The following MEIS2 variants were observed in gnomAD, a reference collection of about 807,000 sequenced individuals.
The protein encoded by MEIS2 is homeobox protein Meis2.
A neutral mutation model predicts 58.6 loss-of-function variants in MEIS2; 9 were observed. That is an observed-to-expected ratio of 0.15 (90% CI 0.09 to 0.27). The LOEUF is 0.27. MEIS2 is among the 10% of genes least tolerant of loss of function. MEIS2 has a pLI of 1.00. For missense variants in MEIS2, 427 were observed against 635.0 expected (o/e 0.67, Z 3.52); for synonymous variants, 221 against 228.4 (o/e 0.97, Z 0.29).
chr15:37,006,894 G>A (rs1437349990), intron 8 of MEIS2, among the ~76,000 whole-genome samples: 1 of 152,168 alleles, frequency 6.6e-6, no homozygotes, highest in East Asian at 1.9e-4. Flanking sequence ...TTTTTAGAAG[G>A]AAGGGGTTGG....
intron 8 of MEIS2, among the ~76,000 whole-genome samples, chr15:36,996,856 C>T (rs990626327): frequency 1.3e-5 from 2 of 152,190 alleles, no homozygotes; most frequent in Non-Finnish European, 2.9e-5. Flanking sequence ...ATTTCTTAAC[C>T]AGAAATGGGA....
intron 2 of MEIS2, 103 bp downstream of exon 2, chr15:37,097,864 A>G (rs964446528): frequency 2.1e-6 from 3 of 1,433,172 alleles, no homozygotes; most frequent in African/African-American, 2.9e-5. Context: ...CCCACCATAC[A>G]GAAGTAACTC....
intron 9 of MEIS2, among the ~76,000 whole-genome samples, chr15:36,946,978 G>T (rs1390807497): frequency 6.6e-6 from 1 of 151,986 alleles, no homozygotes; most frequent in East Asian, 1.9e-4. Context: ...GAGGATATTT[G>T]GTTCGTTGCT....
chr15:36,941,864 T>G (rs1427461161), intron 9 of MEIS2, among the ~76,000 whole-genome samples: 1 of 152,184 alleles, frequency 6.6e-6, no homozygotes, highest in Non-Finnish European at 1.5e-5. Flanking sequence ...TGAAGTAGAT[T>G]TGAATCCAGA....
chr15:37,037,591 C>T (rs536512038), intron 7 of MEIS2, among the ~76,000 whole-genome samples: 146 of 151,854 alleles, frequency 9.6e-4, no homozygotes, highest in African/African-American at 3.3e-3. Context: ...TCAGAAGTTT[C>T]TATCAACATC....
intron 7 of MEIS2, among the ~76,000 whole-genome samples, chr15:37,040,548 G>A (rs908826966): frequency 1.3e-5 from 2 of 152,138 alleles, no homozygotes; most frequent in African/African-American, 4.8e-5. Context: ...TACCCACAGG[G>A]CTTTTTTGCA....
chr15:37,005,571 C>G (rs1354330831), intron 8 of MEIS2, among the ~76,000 whole-genome samples: 2 of 149,648 alleles, frequency 1.3e-5, no homozygotes, highest in Non-Finnish European at 3.0e-5. Context: ...CATGATGGAA[C>G]TTTTTTTTTT....
At chr15:36,997,253 T>A (rs1223898615) in intron 8 of MEIS2, among the ~76,000 whole-genome samples, 2 of 152,298 alleles carry the variant, frequency 1.3e-5, no homozygotes, top group African/African-American at 4.8e-5. Context: ...ATGGCTTTTT[T>A]AAAGCAAAAC....
At chr15:36,924,460 C>T (rs948940404) in intron 9 of MEIS2, among the ~76,000 whole-genome samples, 5 of 152,260 alleles carry the variant, frequency 3.3e-5, no homozygotes, top group African/African-American at 9.6e-5. Context: ...TAGAACCAAA[C>T]CAAAGTTTAA....
intron 8 of MEIS2, among the ~76,000 whole-genome samples, chr15:36,974,755 T>C (rs532633735): frequency 6.6e-6 from 1 of 152,316 alleles, no homozygotes; most frequent in South Asian, 2.1e-4. Context: ...CATGTTCAGT[T>C]GAGAACAAAA....
intron 9 of MEIS2, among the ~76,000 whole-genome samples, chr15:36,901,379 A>G (rs1350924559): frequency 6.6e-6 from 1 of 152,236 alleles, no homozygotes; most frequent in African/African-American, 2.4e-5. Flanking sequence ...TTTCTCAGTA[A>G]GATACATTAA....
At chr15:36,905,477 G>A (rs926175575) in intron 9 of MEIS2, among the ~76,000 whole-genome samples, 4 of 151,930 alleles carry the variant, frequency 2.6e-5, no homozygotes, top group African/African-American at 9.7e-5. Flanking sequence ...CCTCCTCCAC[G>A]TTCACAGAAT....
chr15:36,933,693 A>G (rs2058064168), intron 9 of MEIS2, among the ~76,000 whole-genome samples: 1 of 152,126 alleles, frequency 6.6e-6, no homozygotes, highest in Admixed American at 6.6e-5. Flanking sequence ...CCTGTTTCAC[A>G]TTTTGACTTG....
intron 8 of MEIS2, among the ~76,000 whole-genome samples, chr15:37,012,448 C>G (rs2061197290): frequency 6.6e-6 from 1 of 152,214 alleles, no homozygotes; most frequent in Non-Finnish European, 1.5e-5. Context: ...AGAATCTAAT[C>G]ATGCATCCTA....
At chr15:36,964,432 G>A (rs1340635856) in intron 8 of MEIS2, among the ~76,000 whole-genome samples, 3 of 152,282 alleles carry the variant, frequency 2.0e-5, no homozygotes, top group South Asian at 2.1e-4. Context: ...AGTCTTTACC[G>A]GTAATTCTCA....
At chr15:37,055,549 A>G (rs1888279416) in intron 7 of MEIS2, among the ~76,000 whole-genome samples, 1 of 152,182 alleles carries the variant, frequency 6.6e-6, no homozygotes, top group Non-Finnish European at 1.5e-5. Flanking sequence ...CACCACCTTC[A>G]ACCTTGCTGT....
In MEIS2 at chr15:37,001,847, G is replaced by A. The variant is rs2060740980; in HGVS notation, c.900+34967C>T. Among the ~76,000 whole-genome samples the A allele has an allele frequency of 5.9e-5, 9 of 152,258 alleles. No homozygotes were observed. The South Asian group carries it at 1.9e-3, about 32-fold the overall frequency. On this transcript the variant is annotated intron_variant, in intron 8 of 11. Transcript: ENST00000561208. ...ATATACAAATTATATTTTTAAATATGTACTTAAACCTATGTTATTATTAAA... is the reference window on the plus strand; with the variant it reads ...ATATACAAATTATATTTTTAAATATATACTTAAACCTATGTTATTATTAAA...
chr15:36,911,207 A>G (rs1190152883), intron 9 of MEIS2, among the ~76,000 whole-genome samples: 1 of 152,030 alleles, frequency 6.6e-6, no homozygotes, highest in Non-Finnish European at 1.5e-5. Flanking sequence ...TGGGTATTTT[A>G]CTATGCCTAA....
intron 5 of MEIS2, 119 bp from the exon 6 acceptor site, chr15:37,093,849 G>T: frequency 1.6e-6 from 2 of 1,287,304 alleles, no homozygotes; most frequent in South Asian, 1.4e-5. Flanking sequence ...GCAACAGTGT[G>T]ATGTCTTCCA....
Sources: allele counts gnomAD v4.1 joint callset (sites outside exome capture counted in the v4.1 genomes callset), GRCh38; gene constraint gnomAD v4.1.1; transcripts MANE v1.5; gene names NCBI Gene and HGNC (gene_info 2026-07-23, HGNC 2026-07-21).